Variants in LRP1B observed in about 807,000 individuals in gnomAD.
LRP1B encodes the protein low-density lipoprotein receptor-related protein 1B.
In LRP1B, 217 loss-of-function variants were observed where a neutral mutation model predicts 556.6. The observed-to-expected ratio is 0.39, with a 90% CI of 0.35 to 0.44. LRP1B has a LOEUF of 0.44. Ranked by LOEUF, LRP1B falls within the 20% of genes least tolerant of loss-of-function variation. The pLI, the probability that LRP1B is intolerant of heterozygous loss-of-function variation, is 1.00. For synonymous variants in LRP1B, 2,047 were observed against 1,865.8 expected (o/e 1.10, Z -2.50); for missense variants, 5,053 against 5,620.8 (o/e 0.90, Z 3.23).
chr2:140,656,413 T>G (rs1684881250), intron 41 of LRP1B, among the ~76,000 whole-genome samples: 1 of 152,214 alleles, frequency 6.6e-6, no homozygotes, highest in Non-Finnish European at 1.5e-5. Context: ...ATTGTAAGTA[T>G]GATTGATAAT....
intron 31 of LRP1B, among the ~76,000 whole-genome samples, chr2:140,815,866 TC>T (rs61639029): frequency 0.47 from 61,642 of 130,808 alleles, 14,463 homozygotes; most frequent in East Asian, 0.62. Flanking sequence ...ATGTTGTCTC[TC>T]TTTTTTTTTT....
At chr2:141,342,049 T>C (rs567312715) in intron 3 of LRP1B, among the ~76,000 whole-genome samples, 150 of 151,566 alleles carry the variant, frequency 9.9e-4, no homozygotes, top group African/African-American at 3.6e-3. Flanking sequence ...TCAAGACCAT[T>C]CTGGCTAACA....
chr2:140,337,790 T>G (rs1269015810), intron 77 of LRP1B, among the ~76,000 whole-genome samples: 1 of 151,868 alleles, frequency 6.6e-6, no homozygotes, highest in South Asian at 2.1e-4. Context: ...TGGTAAAATA[T>G]GTCATATTCC....
At chr2:140,891,980 T>G (rs990783946) in intron 23 of LRP1B, among the ~76,000 whole-genome samples, 2 of 151,770 alleles carry the variant, frequency 1.3e-5, no homozygotes, top group Non-Finnish European at 2.9e-5. Context: ...TCCTTTGGGG[T>G]GTGTGTGTGT....
intron 85 of LRP1B, among the ~76,000 whole-genome samples, chr2:140,270,746 A>G (rs1368223360): frequency 6.6e-6 from 1 of 151,960 alleles, no homozygotes; most frequent in Non-Finnish European, 1.5e-5. Flanking sequence ...TACTCTGGAA[A>G]AACGTGCTTT....
At chr2:141,871,977 A>AAG (rs1009616834) in intron 1 of LRP1B, among the ~76,000 whole-genome samples, 6 of 151,994 alleles carry the variant, frequency 3.9e-5, no homozygotes, top group African/African-American at 1.4e-4. Context: ...CACAGTGGGA[A>AAG]AGAGAAGAGG....
intron 87 of LRP1B, among the ~76,000 whole-genome samples, chr2:140,243,625 TA>T (rs770987359): frequency 6.6e-6 from 1 of 151,172 alleles, no homozygotes; most frequent in Non-Finnish European, 1.5e-5. Flanking sequence ...TTAAAAATTG[TA>T]AAGAAAATAT....
At chr2:141,748,763 G>A (rs1329129818) in intron 2 of LRP1B, among the ~76,000 whole-genome samples, 1 of 152,200 alleles carries the variant, frequency 6.6e-6, no homozygotes. Context: ...CTCTTCCAAA[G>A]CAGAAGGCTC....
At chr2:142,045,683 G>T (rs139073086) in intron 1 of LRP1B, among the ~76,000 whole-genome samples, 1,791 of 151,854 alleles carry the variant, frequency 0.012, 14 homozygotes, top group Non-Finnish European at 0.019. Context: ...TACATACTTT[G>T]TTTGCTATAC....
At chr2:141,513,153 T>A (rs1332873541) in intron 2 of LRP1B, among the ~76,000 whole-genome samples, 1 of 152,120 alleles carries the variant, frequency 6.6e-6, no homozygotes, top group Non-Finnish European at 1.5e-5. Flanking sequence ...AATGTTAATA[T>A]CTCTAGATAG....
At chr2:140,323,796 A>C in intron 81 of LRP1B, 97 bp downstream of exon 81, 1 of 582,168 alleles carries the variant, frequency 1.7e-6, no homozygotes, top group Non-Finnish European at 2.8e-6. Context: ...TGAGGTTAAG[A>C]CATTTACATA....
At chr2:141,093,491 G>A (rs928586820) in intron 7 of LRP1B, among the ~76,000 whole-genome samples, 2 of 152,098 alleles carry the variant, frequency 1.3e-5, no homozygotes, top group Non-Finnish European at 2.9e-5. Context: ...GGAGAATAAA[G>A]TTTAGCAATT....
In LRP1B at chr2:140,541,817, G is replaced by A. The variant is rs768900771; in HGVS notation, c.7349C>T (p.Pro2450Leu). ...KILRSDIPHQ[P>L]MGIIAVANDT... is the part of the protein sequence containing the mutation. ...ATTGGCAACAGCTATGATTCCCATTGGCTGATGTGGAATATCGGAACGAAG... is the reference window on the plus strand; with the variant it reads ...ATTGGCAACAGCTATGATTCCCATTAGCTGATGTGGAATATCGGAACGAAG... Residue 2450 changes from proline to leucine, a missense_variant, in exon 44 of 91, where the codon CCA becomes CTA. Physicochemically the swap from Pro to Leu is moderately conservative, Grantham distance 98. Transcript: ENST00000389484. 37 of 1,612,208 alleles carry A rather than the reference G, an allele frequency of 2.3e-5. No individual in the cohort carries two copies. The South Asian group carries it at 4.0e-4, about 17-fold the overall frequency.
intron 1 of LRP1B, among the ~76,000 whole-genome samples, chr2:142,090,800 T>G (rs771747308): frequency 6.6e-5 from 10 of 152,114 alleles, no homozygotes; most frequent in Non-Finnish European, 1.2e-4. Flanking sequence ...GAATTTTAAG[T>G]GGATATATAG....
chr2:140,522,653 G>T (rs1028559855), intron 49 of LRP1B, among the ~76,000 whole-genome samples: 3 of 139,176 alleles, frequency 2.2e-5, no homozygotes, highest in Non-Finnish European at 4.7e-5. Context: ...GTTAGACAAT[G>T]TTGATGGACC....
intron 35 of LRP1B, among the ~76,000 whole-genome samples, chr2:140,755,327 G>A (rs1052413208): frequency 3.3e-5 from 5 of 151,916 alleles, no homozygotes; most frequent in Non-Finnish European, 2.9e-5. Context: ...GCCAAAATAT[G>A]TGTTACCCTG....
At chr2:140,771,532 C>A (rs1689312070) in intron 33 of LRP1B, among the ~76,000 whole-genome samples, 1 of 152,004 alleles carries the variant, frequency 6.6e-6, no homozygotes, top group Non-Finnish European at 1.5e-5. Flanking sequence ...AAATATAATT[C>A]TCCCGAAATA....
intron 47 of LRP1B, among the ~76,000 whole-genome samples, chr2:140,528,403 T>A (rs16844143): frequency 0.045 from 6,911 of 151,918 alleles, 436 homozygotes; most frequent in African/African-American, 0.14. Context: ...AGTAGTAATT[T>A]AAAAAACTGT....
At chr2:141,122,290 A>C (rs1198827507) in intron 7 of LRP1B, among the ~76,000 whole-genome samples, 1 of 152,128 alleles carries the variant, frequency 6.6e-6, no homozygotes, top group African/African-American at 2.4e-5. Context: ...ACAGCAAAAG[A>C]AACTACCATC....
Sources: gnomAD v4.1 joint callset for allele counts (sites outside exome capture counted in the v4.1 genomes callset) on GRCh38, gnomAD v4.1.1 for gene constraint, MANE v1.5 for transcripts, NCBI Gene and HGNC (gene_info 2026-07-23, HGNC 2026-07-21) for gene names.